Variants in CSMD1 observed in about 807,000 individuals in gnomAD.
CSMD1 encodes the protein CUB and Sushi multiple domains 1.
CSMD1 carries 213 observed loss-of-function variants against 417.5 expected under a neutral mutation model. That is an observed-to-expected ratio of 0.51 (90% confidence interval 0.46 to 0.57). The LOEUF is 0.57. Ranked by LOEUF, CSMD1 falls within the 20% of genes least tolerant of loss-of-function variation. The pLI, the probability that CSMD1 is intolerant of heterozygous loss-of-function variation, is 0.00. For missense variants in CSMD1, 6,923 were observed against 4,529.7 expected, an observed-to-expected ratio of 1.53 and a Z score of -15.17; for synonymous variants, 2,862 against 1,736.8, an observed-to-expected ratio of 1.65 and a Z score of -16.11.
chr8:4,465,863 G>T (rs935970881), intron 2 of CSMD1, among the ~76,000 whole-genome samples: 3 of 152,142 alleles, frequency 2.0e-5, no homozygotes, highest in Admixed American at 1.3e-4. Flanking sequence ...CTCTTCACAG[G>T]TGATTGTATC....
intron 7 of CSMD1, among the ~76,000 whole-genome samples, chr8:3,673,546 T>C (rs1799198671): frequency 6.6e-6 from 1 of 152,208 alleles, no homozygotes; most frequent in Non-Finnish European, 1.5e-5. Flanking sequence ...CTTCAATATT[T>C]CACAAAGAGC....
At chr8:4,148,325 A>T (rs1324016024) in intron 3 of CSMD1, among the ~76,000 whole-genome samples, 1 of 135,820 alleles carries the variant, frequency 7.4e-6, no homozygotes, top group Non-Finnish European at 1.5e-5. Context: ...CAATGAGAAC[A>T]CATAGACAGA....
At chr8:3,823,014 C>T (rs368893860) in intron 5 of CSMD1, among the ~76,000 whole-genome samples, 47 of 152,180 alleles carry the variant, frequency 3.1e-4, no homozygotes, top group African/African-American at 1.1e-3. Flanking sequence ...GCTGAGTCAG[C>T]TGAAAACATA....
Position 4,139,401 on chromosome 8 carries a change from T to C in CSMD1, c.416-107302A>G, listed in dbSNP as rs117773023. ...TGTTTGAGCTGCTTTTAAGTGAACATTGCTGTGCTAAGCACTGGAGGTAAA... is the reference window on the plus strand; with the variant it reads ...TGTTTGAGCTGCTTTTAAGTGAACACTGCTGTGCTAAGCACTGGAGGTAAA... On this transcript the variant is annotated intron_variant, in intron 3 of 69. Transcript: ENST00000635120. Among the ~76,000 whole-genome samples the C allele has an allele frequency of 4.8e-3, 731 of 152,180 alleles. 4 individuals are homozygous for C. The highest frequency in any genetic ancestry group is 6.7e-3 in the Non-Finnish European group (459 of 68,026).
chr8:3,274,243 T>G (rs1802093726), intron 26 of CSMD1, among the ~76,000 whole-genome samples: 1 of 151,880 alleles, frequency 6.6e-6, no homozygotes, highest in African/African-American at 2.4e-5. Flanking sequence ...CGGTTTTGAG[T>G]GAGATTCTTA....
chr8:4,229,576 A>C (rs1487457290), intron 3 of CSMD1, among the ~76,000 whole-genome samples: 4 of 152,158 alleles, frequency 2.6e-5, no homozygotes, highest in Admixed American at 2.6e-4. Context: ...AGCACCTTAC[A>C]GGACCTGTTT....
chr8:4,634,107 T>A (rs17070920), intron 2 of CSMD1, among the ~76,000 whole-genome samples: 16,533 of 151,864 alleles, frequency 0.11, 961 homozygotes, highest in Non-Finnish European at 0.12. Context: ...CCAAGAGAGG[T>A]CTCATTTCAG....
intron 3 of CSMD1, among the ~76,000 whole-genome samples, chr8:4,348,458 T>A (rs1032951837): frequency 6.6e-6 from 1 of 152,134 alleles, no homozygotes; most frequent in Non-Finnish European, 1.5e-5. Context: ...TCTGATCATT[T>A]GCTGAAGTAT....
chr8:4,056,077 CCT>C (rs1798674694), intron 3 of CSMD1, among the ~76,000 whole-genome samples: 1 of 57,994 alleles, frequency 1.7e-5, no homozygotes, highest in South Asian at 8.7e-4. Flanking sequence ...TTGGTGGCTT[CCT>C]TTTTTTTTTT....
chr8:3,793,512 T>G (rs1221004118), intron 5 of CSMD1, among the ~76,000 whole-genome samples: 1 of 146,292 alleles, frequency 6.8e-6, no homozygotes, highest in Non-Finnish European at 1.5e-5. Flanking sequence ...CCTCTCTAGG[T>G]GGATCTCTGG....
At position 4,096,197 on chromosome 8, in the gene CSMD1, T is replaced by G. The variant is rs539702487; in HGVS notation, c.416-64098A>C. ...GTTTTTCTCTTCAAAATGGAACCAC[T>G]GAGATGAAACTCTTAATAATTATAA... On this transcript the variant is annotated intron_variant, in intron 3 of 69. Transcript: ENST00000635120. Among the ~76,000 whole-genome samples, 4 of 152,286 alleles carry G rather than the reference T, an allele frequency of 2.6e-5. 1 individual carries two copies. Among genetic ancestry groups the G allele is most frequent in the African/African-American group, 9.6e-5 (4 of 41,572 alleles).
At chr8:3,523,182 G>T (rs918605944) in intron 10 of CSMD1, among the ~76,000 whole-genome samples, 1 of 152,058 alleles carries the variant, frequency 6.6e-6, no homozygotes, top group African/African-American at 2.4e-5. Flanking sequence ...GGGCTACTTG[G>T]AATCAAATAC....
At chr8:4,662,817 C>T (rs142271108) in intron 1 of CSMD1, among the ~76,000 whole-genome samples, 32 of 152,170 alleles carry the variant, frequency 2.1e-4, no homozygotes, top group Middle Eastern at 3.4e-3. Flanking sequence ...AACGAGTGCC[C>T]ACATCATCAA....
chr8:4,413,238 G>A (rs926953731), intron 3 of CSMD1, among the ~76,000 whole-genome samples: 1 of 152,190 alleles, frequency 6.6e-6, no homozygotes, highest in Admixed American at 6.5e-5. Flanking sequence ...GGGTGCAACT[G>A]TGAGCTGGCT....
At chr8:3,149,858 G>T (rs1320091028) in intron 40 of CSMD1, among the ~76,000 whole-genome samples, 1 of 152,140 alleles carries the variant, frequency 6.6e-6, no homozygotes, top group African/African-American at 2.4e-5. Flanking sequence ...CTCCTTCAGG[G>T]ATAGCTGCAG....
chr8:3,678,316 A>C (rs1799485145), intron 7 of CSMD1, among the ~76,000 whole-genome samples: 1 of 152,196 alleles, frequency 6.6e-6, no homozygotes, highest in South Asian at 2.1e-4. Context: ...GGCTAACTAG[A>C]ATAACCAATG....
In CSMD1 at chr8:4,176,969, A is replaced by G. The variant is rs185125334; in HGVS notation, c.416-144870T>C. 2.0e-3 allele frequency among the ~76,000 whole-genome samples: 299 copies of G among 151,880 alleles called. 1 individual carries two copies. The highest frequency in any genetic ancestry group is 6.1e-3 in the African/African-American group (252 of 41,362). The stretch of plus-strand genomic sequence containing the variant: ...CCTACAAAGAGACTTAGACTCCCAC[A>G]CAATAAAAATGGGAGACTTTAACAC... On this transcript the variant is annotated intron_variant, in intron 3 of 69. Coordinates refer to ENST00000635120, the MANE Select transcript of CSMD1 (RefSeq NM_033225.6).
At chr8:4,295,208 G>A (rs1247061930) in intron 3 of CSMD1, among the ~76,000 whole-genome samples, 20 of 68,602 alleles carry the variant, frequency 2.9e-4, no homozygotes, top group South Asian at 2.9e-3. Context: ...ATAATCTTAA[G>A]ATTTTCTATA....
intron 1 of CSMD1, among the ~76,000 whole-genome samples, chr8:4,836,017 AAAAT>A (rs1237073251): frequency 1.3e-5 from 2 of 152,186 alleles, no homozygotes; most frequent in African/African-American, 4.8e-5. Flanking sequence ...TAGGATGTGA[AAAAT>A]AAATAGAGAT....
Sources: allele counts gnomAD v4.1 joint callset (sites outside exome capture counted in the v4.1 genomes callset), GRCh38; gene constraint gnomAD v4.1.1; transcripts MANE v1.5; gene names NCBI Gene and HGNC (gene_info 2026-07-23, HGNC 2026-07-21).